The following CRTAC1 variants were observed in gnomAD, a reference collection of about 807,000 sequenced individuals.
CRTAC1 encodes acidic secreted protein in cartilage.
In CRTAC1, 37 loss-of-function variants were observed where a neutral mutation model predicts 67.8. That is an observed-to-expected ratio of 0.55 (90% CI 0.42 to 0.72). The LOEUF (loss-of-function observed/expected upper bound fraction) is 0.72. CRTAC1 is among the 30% of genes least tolerant of loss of function. The probability of loss-of-function intolerance (pLI) is 0.00; values close to 1 mark genes in which losing one functional copy is unlikely to be tolerated. For missense variants in CRTAC1, 780 were observed against 931.6 expected (o/e 0.84, Z 2.12); for synonymous variants, 348 against 371.0 (o/e 0.94, Z 0.71).
rs191001884 is a variant in CRTAC1, at chr10:97,950,481, C to T, written c.225-14115G>A. Reference sequence around the variant, plus strand: ...GGTTTTCTCCATCAAGGAGGAAGTCCGGGGCTGGGCACAGGACTAGAGATG... The same window carrying T: ...GGTTTTCTCCATCAAGGAGGAAGTCTGGGGCTGGGCACAGGACTAGAGATG... On this transcript the variant is annotated intron_variant, in intron 2 of 14. Coordinates refer to ENST00000370597, the MANE Select transcript of CRTAC1 (RefSeq NM_018058.7). Among the ~76,000 whole-genome samples the T allele has an allele frequency of 3.9e-5, 6 of 152,236 alleles. No individual in the cohort carries two copies. The East Asian group carries it at 1.2e-3, about 29-fold the overall frequency.
chr10:97,895,172 C>T lies in CRTAC1; in HGVS notation c.1486+73G>A. On this transcript the variant is annotated intron_variant, in intron 11 of 14. Coordinates refer to ENST00000370597, the MANE Select transcript of CRTAC1 (RefSeq NM_018058.7). The surrounding 1 kb of genome is among the most constrained non-coding windows in gnomAD (Gnocchi z 4.2). ...TAGAGCGGAGCGGTGCCCAAGGATG[C>T]TCGGGCTGTGAGTCCCTGAATCAGT... 6.7e-7 allele frequency: 1 copy of T among 1,486,300 alleles called. No homozygotes were observed. Among genetic ancestry groups the T allele is most frequent in the Non-Finnish European group, 9.2e-7 (1 of 1,089,572 alleles). 92.1% of individuals were successfully genotyped at this position (1,486,300 alleles called of 1,614,324 possible). A position where few individuals can be genotyped will look rare whatever the true frequency, so the allele number is the denominator to read the frequency against.
At position 97,865,476 on chromosome 10, in the gene CRTAC1, T is replaced by A; in HGVS notation, c.*72A>T. 6.5e-7 allele frequency: 1 copy of A among 1,537,070 alleles called. No homozygotes were observed. Among genetic ancestry groups the A allele is most frequent in the African/African-American group, 1.4e-5 (1 of 73,552 alleles). On this transcript the variant is annotated 3_prime_UTR_variant, in exon 15 of 15. Transcript: ENST00000370597. The stretch of plus-strand genomic sequence containing the variant: ...CCCAGGCCTTTACATCCCTACTGTC[T>A]AGGCAGCAGCACAAGCCCACTTTCC...
rs371243072 is a variant in CRTAC1, at chr10:97,958,965, T to C, written c.225-22599A>G. Among the ~76,000 whole-genome samples the C allele has an allele frequency of 1.1e-4, 17 of 152,224 alleles. No homozygotes were observed. In the South Asian group the frequency reaches 2.3e-3, roughly 20 times the overall value. On this transcript the variant is annotated intron_variant, in intron 2 of 14. Coordinates refer to ENST00000370597, the MANE Select transcript of CRTAC1 (RefSeq NM_018058.7). Reference sequence around the variant, plus strand: ...AGAAGACAATGAGACAGACAAGACATGGGCACTCTGGAAATCTGAGCGCTA... The same window carrying C: ...AGAAGACAATGAGACAGACAAGACACGGGCACTCTGGAAATCTGAGCGCTA...
intron 1 of CRTAC1, among the ~76,000 whole-genome samples, chr10:98,022,405 G>T (rs1199463653): frequency 6.6e-6 from 1 of 151,938 alleles, no homozygotes; most frequent in Non-Finnish European, 1.5e-5. Context: ...GAAAAAAAGA[G>T]ACAGGTACAA....
intron 2 of CRTAC1, among the ~76,000 whole-genome samples, chr10:97,967,926 G>A (rs183922144): frequency 4.6e-5 from 7 of 152,296 alleles, no homozygotes; most frequent in South Asian, 2.1e-4. Flanking sequence ...ATGGCTTCCC[G>A]GGGGCATTCT....
chr10:97,891,063 C>T (rs878958374), intron 11 of CRTAC1, among the ~76,000 whole-genome samples: 10 of 152,226 alleles, frequency 6.6e-5, no homozygotes, highest in African/African-American at 9.6e-5. Context: ...TCTACTGGAA[C>T]GTAGATGGCT....
chr10:97,906,984 G>A (rs2050621195), intron 6 of CRTAC1, among the ~76,000 whole-genome samples: 1 of 152,228 alleles, frequency 6.6e-6, no homozygotes, highest in Non-Finnish European at 1.5e-5. Flanking sequence ...TCTTCCCCAT[G>A]CCTCCAAGAA....
Position 97,906,475 on chromosome 10 carries a change from C to T in CRTAC1, c.850+1538G>A, listed in dbSNP as rs142883472. Among the ~76,000 whole-genome samples, 1,350 of 152,252 alleles carry T rather than the reference C, an allele frequency of 8.9e-3. 9 individuals are homozygous for T. Among genetic ancestry groups the T allele is most frequent in the Non-Finnish European group, 0.015 (995 of 68,002 alleles). ...CTGCAATCATTCTGACTTTCAATTA[C>T]GGGCCTAGCACCTTGCCTCTCTCCT... On this transcript the variant is annotated intron_variant, in intron 6 of 14. Coordinates refer to ENST00000370597, the MANE Select transcript of CRTAC1 (RefSeq NM_018058.7).
intron 2 of CRTAC1, among the ~76,000 whole-genome samples, chr10:97,949,281 C>T (rs575184483): frequency 6.6e-6 from 1 of 152,348 alleles, no homozygotes; most frequent in South Asian, 2.1e-4. Context: ...GGAATGTGAG[C>T]TGCTGTGAGC....
intron 1 of CRTAC1, 39 bp from the exon 2 acceptor site, chr10:98,011,376 T>TA: frequency 6.2e-7 from 1 of 1,610,212 alleles, no homozygotes; most frequent in Non-Finnish European, 8.5e-7. Flanking sequence ...AAAGAACCTG[T>TA]AACCAAAGCA....
At chr10:97,959,496 A>G (rs948300206) in intron 2 of CRTAC1, among the ~76,000 whole-genome samples, 1 of 152,206 alleles carries the variant, frequency 6.6e-6, no homozygotes, top group Non-Finnish European at 1.5e-5. Context: ...TCCATGGAAC[A>G]TGGGCTGTAC....
chr10:97,996,348 A>T (rs1268965443), intron 2 of CRTAC1, among the ~76,000 whole-genome samples: 1 of 150,668 alleles, frequency 6.6e-6, no homozygotes, highest in Non-Finnish European at 1.5e-5. Flanking sequence ...ACAAAGGGCT[A>T]ATATCCAGAA....
At chr10:98,018,692 C>T (rs1843054251) in intron 1 of CRTAC1, among the ~76,000 whole-genome samples, 1 of 152,178 alleles carries the variant, frequency 6.6e-6, no homozygotes, top group African/African-American at 2.4e-5. Flanking sequence ...GCCAAGGTCA[C>T]ACCCCAAGCT....
intron 1 of CRTAC1, among the ~76,000 whole-genome samples, chr10:98,016,306 C>T (rs57744495): frequency 0.026 from 4,000 of 152,216 alleles, 162 homozygotes; most frequent in African/African-American, 0.086. Context: ...ACCTAGCAGG[C>T]GCTCTGTTAA....
rs1400307537 is a variant in CRTAC1, at chr10:97,895,921, G to T, written c.1281C>A (p.Ser427=). Residue 427 remains serine (S), a synonymous_variant, in exon 10 of 15, where the codon TCC becomes TCA. Coordinates refer to ENST00000370597, the MANE Select transcript of CRTAC1 (RefSeq NM_018058.7). This position sits in a 1 kb window ranked among gnomAD's most constrained non-coding sequence, Gnocchi z 4.2. ...MLDLILSHGE[S]MAQPLSVFRG... Reference sequence around the variant, plus strand: ...GGAAGACGGACAGCGGCTGAGCCATGGACTCTCCATGGGACAAGATGAGGT... The same window carrying T: ...GGAAGACGGACAGCGGCTGAGCCATTGACTCTCCATGGGACAAGATGAGGT... The T allele has an allele frequency of 6.2e-7, 1 of 1,614,004 alleles. No individual in the cohort carries two copies. Among genetic ancestry groups the T allele is most frequent in the Non-Finnish European group, 8.5e-7 (1 of 1,179,922 alleles).
chr10:97,977,216 C>T (rs1056685401), intron 2 of CRTAC1, among the ~76,000 whole-genome samples: 2 of 152,236 alleles, frequency 1.3e-5, no homozygotes, highest in South Asian at 2.1e-4. Flanking sequence ...GGGGCCTCCA[C>T]TCAGGCATCT....
chr10:97,971,377 T>C (rs1057512783), intron 2 of CRTAC1, among the ~76,000 whole-genome samples: 2 of 152,206 alleles, frequency 1.3e-5, no homozygotes, highest in African/African-American at 4.8e-5. Flanking sequence ...TTGAGGACAT[T>C]ATGCTAAATG....
chr10:97,888,726 C>T (rs143353951), intron 11 of CRTAC1, among the ~76,000 whole-genome samples: 10 of 152,174 alleles, frequency 6.6e-5, no homozygotes, highest in Non-Finnish European at 1.3e-4. Context: ...TCCCAGACAC[C>T]GCACACCAGC....
At chr10:97,889,659 G>A (rs7908080) in intron 11 of CRTAC1, among the ~76,000 whole-genome samples, 2,179 of 152,274 alleles carry the variant, frequency 0.014, 60 homozygotes, top group African/African-American at 0.049. Context: ...CATGGGGCAA[G>A]GCTGAGGCTG....
Sources: allele counts gnomAD v4.1 joint callset (sites outside exome capture counted in the v4.1 genomes callset), GRCh38; gene constraint gnomAD v4.1.1; non-coding constraint Gnocchi (gnomAD v3.1); transcripts MANE v1.5; gene names NCBI Gene and HGNC (gene_info 2026-07-23, HGNC 2026-07-21).